BCAS3: variants seen among roughly 807,000 people sequenced by gnomAD.
The protein encoded by BCAS3 is BCAS3 microtubule associated cell migration factor.
A neutral mutation model predicts 116.1 loss-of-function variants in BCAS3; 53 were observed. That is an observed-to-expected ratio of 0.46 (90% CI 0.37 to 0.57). BCAS3 has a LOEUF of 0.57. Among genes scored for constraint, BCAS3 ranks in the 20% least tolerant of loss-of-function variants. BCAS3 has a pLI of 0.00. For synonymous variants in BCAS3, 391 were observed against 408.2 expected, an observed-to-expected ratio of 0.96 and a Z score of 0.51; for missense variants, 917 against 1,165.4, an observed-to-expected ratio of 0.79 and a Z score of 3.10.
intron 14 of BCAS3, among the ~76,000 whole-genome samples, chr17:60,966,224 G>A (rs897306539): frequency 6.6e-6 from 1 of 152,116 alleles, no homozygotes; most frequent in African/African-American, 2.4e-5. Flanking sequence ...GTCTTTATAG[G>A]TGAAGTGGAT....
chr17:60,869,122 TTTATTCCTTCACACTTCACAG>T (rs1261663701), intron 8 of BCAS3, among the ~76,000 whole-genome samples: 3 of 152,222 alleles, frequency 2.0e-5, no homozygotes, highest in Non-Finnish European at 1.5e-5. Context: ...TTAAAATATT[TTTATTCCTTCACACTTCACAG>T]TGGAGCTAAA....
intron 22 of BCAS3, among the ~76,000 whole-genome samples, chr17:61,292,679 G>A (rs2052544715): frequency 6.6e-6 from 1 of 152,012 alleles, no homozygotes; most frequent in Non-Finnish European, 1.5e-5. Context: ...AATGAGGGGT[G>A]AGGGGTCCTT....
At chr17:60,897,173 T>C (rs1194719390) in intron 10 of BCAS3, among the ~76,000 whole-genome samples, 1 of 152,248 alleles carries the variant, frequency 6.6e-6, no homozygotes, top group African/African-American at 2.4e-5. Context: ...AGGGTAATTT[T>C]GCTGGATACA....
Position 61,091,054 on chromosome 17 carries a change from C to T in BCAS3, c.2425+6490C>T, listed in dbSNP as rs532155579. On this transcript the variant is annotated intron_variant, in intron 22 of 23. Coordinates refer to ENST00000407086, the MANE Select transcript of BCAS3 (RefSeq NM_017679.5). ...CACAATTAAGAAAAAATGATAGCCCCATTTGAAGATGAAGAAACAGTAAAC... is the reference window on the plus strand; with the variant it reads ...CACAATTAAGAAAAAATGATAGCCCTATTTGAAGATGAAGAAACAGTAAAC... Among the ~76,000 whole-genome samples the T allele has an allele frequency of 2.6e-5, 4 of 152,290 alleles. No homozygotes were observed. In the East Asian group the frequency reaches 5.8e-4, roughly 22 times the overall value.
In BCAS3 at chr17:61,278,126, TC is replaced by T. The variant is rs1196457919; in HGVS notation, c.2426-90198del. Among the ~76,000 whole-genome samples, 1 of 152,202 alleles carries T rather than the reference TC, an allele frequency of 6.6e-6. No individual in the cohort carries two copies. Among genetic ancestry groups the T allele is most frequent in the African/African-American group, 2.4e-5 (1 of 41,444 alleles). Reference sequence around the variant, plus strand: ...ATCTTGGTTCACTGCAACCTCTGCCTCCCGGGTCCTGATTCAAGCAATTCTC... The same window carrying T: ...ATCTTGGTTCACTGCAACCTCTGCCTCCGGGTCCTGATTCAAGCAATTCTC... On this transcript the variant is annotated intron_variant, in intron 22 of 23. Transcript: ENST00000407086. This position sits in a 1 kb window ranked among gnomAD's most constrained non-coding sequence, Gnocchi z 5.8.
intron 6 of BCAS3, among the ~76,000 whole-genome samples, chr17:60,770,819 C>G (rs2044604972): frequency 7.0e-6 from 1 of 143,210 alleles, no homozygotes; most frequent in Non-Finnish European, 1.5e-5. Context: ...GATCTTGAAC[C>G]TAAAACTGAA....
chr17:60,748,311 G>C (rs1193255560), intron 6 of BCAS3, among the ~76,000 whole-genome samples: 1 of 152,112 alleles, frequency 6.6e-6, no homozygotes, highest in Non-Finnish European at 1.5e-5. Context: ...ACAGTATCTT[G>C]CAGTCACATG....
chr17:60,744,565 G>A (rs1199671438), intron 5 of BCAS3, among the ~76,000 whole-genome samples: 2 of 152,002 alleles, frequency 1.3e-5, no homozygotes, highest in Non-Finnish European at 2.9e-5. Context: ...TTCTCTCCTC[G>A]AGGAAGTTTG....
At chr17:61,253,828 A>G (rs1236371651) in intron 22 of BCAS3, among the ~76,000 whole-genome samples, 1 of 152,142 alleles carries the variant, frequency 6.6e-6, no homozygotes, top group Non-Finnish European at 1.5e-5. Context: ...GATTAAGTAT[A>G]CATTACAGTT....
At chr17:61,329,958 G>A (rs1428872632) in intron 22 of BCAS3, among the ~76,000 whole-genome samples, 2 of 152,218 alleles carry the variant, frequency 1.3e-5, no homozygotes, top group East Asian at 1.9e-4. Context: ...ACTGTTAGGC[G>A]CTAGAAATAT....
chr17:61,022,493 C>T (rs1568144485), intron 16 of BCAS3, among the ~76,000 whole-genome samples: 1 of 152,266 alleles, frequency 6.6e-6, no homozygotes, highest in Non-Finnish European at 1.5e-5. Flanking sequence ...ATCCACCTGC[C>T]TCCACCTCCC....
chr17:61,242,245 C>T (rs1298438295), intron 22 of BCAS3, among the ~76,000 whole-genome samples: 3 of 143,608 alleles, frequency 2.1e-5, no homozygotes, highest in African/African-American at 7.8e-5. Flanking sequence ...CATTGCACTC[C>T]ATCCTGGGCA....
At chr17:60,830,222 C>T (rs2050794010) in intron 7 of BCAS3, among the ~76,000 whole-genome samples, 1 of 152,192 alleles carries the variant, frequency 6.6e-6, no homozygotes, top group Admixed American at 6.5e-5. Context: ...AACTCCTGAC[C>T]TCATGATCTG....
intron 19 of BCAS3, among the ~76,000 whole-genome samples, chr17:61,071,946 A>G (rs2071469863): frequency 6.6e-6 from 1 of 152,238 alleles, no homozygotes; most frequent in Non-Finnish European, 1.5e-5. Context: ...TGTATCAAAC[A>G]TGGAAAAAAT....
In BCAS3 at chr17:61,023,806, T is replaced by G. The variant is rs1600551327; in HGVS notation, c.1637+7905T>G. On this transcript the variant is annotated intron_variant, in intron 16 of 23. Coordinates refer to ENST00000407086, the MANE Select transcript of BCAS3 (RefSeq NM_017679.5). This position sits in a 1 kb window ranked among gnomAD's most constrained non-coding sequence, Gnocchi z 4.8. ...GTAATATTTCTGGATTTTTAGTCTC[T>G]TGACCAGATTTTCCTGAGATTTGAA... Among the ~76,000 whole-genome samples, 1 of 152,336 alleles carries G rather than the reference T, an allele frequency of 6.6e-6. No individual in the cohort carries two copies. Among genetic ancestry groups the G allele is most frequent in the East Asian group, 1.9e-4 (1 of 5,192 alleles).
chr17:61,002,876 TTTCTA>T (rs1163783878), intron 15 of BCAS3: 23 of 152,280 alleles, frequency 1.5e-4, no homozygotes, highest in Non-Finnish European at 2.6e-4. Context: ...TATCTACTCT[TTTCTA>T]TTAACATTGA....
intron 22 of BCAS3, among the ~76,000 whole-genome samples, chr17:61,303,292 C>T (rs997956670): frequency 4.7e-4 from 71 of 152,306 alleles, no homozygotes; most frequent in South Asian, 6.2e-4. Flanking sequence ...AAAATAGTCC[C>T]TCATCTATGA....
In BCAS3 at chr17:61,156,738, A is replaced by G. The variant is rs375827982; in HGVS notation, c.2425+72174A>G. On this transcript the variant is annotated intron_variant, in intron 22 of 23. Coordinates refer to ENST00000407086, the MANE Select transcript of BCAS3 (RefSeq NM_017679.5). The surrounding 1 kb of genome is among the most constrained non-coding windows in gnomAD (Gnocchi z 4.7). ...TAACAATAATTGTTTCTATCCTGCTATAAACCATAAGTAACTCCTAAAAAA... is the reference window on the plus strand; with the variant it reads ...TAACAATAATTGTTTCTATCCTGCTGTAAACCATAAGTAACTCCTAAAAAA... Among the ~76,000 whole-genome samples the G allele has an allele frequency of 1.7e-3, 255 of 152,344 alleles. 8 individuals are homozygous for G. The South Asian group carries it at 0.05, about 30-fold the overall frequency.
At position 60,893,596 on chromosome 17, in the gene BCAS3, T is replaced by C. The variant is rs550425835; in HGVS notation, c.738+3825T>C. 7.7e-4 allele frequency among the ~76,000 whole-genome samples: 114 copies of C among 148,186 alleles called. 1 individual carries two copies. Among genetic ancestry groups the C allele is most frequent in the Non-Finnish European group, 9.5e-4 (64 of 67,388 alleles). ...TTCTCTGTTCAGTTATCTTGACCTA[T>C]GATCTTTTTTTTTTTTTTTTTTTTT... On this transcript the variant is annotated intron_variant, in intron 10 of 23. Coordinates refer to ENST00000407086, the MANE Select transcript of BCAS3 (RefSeq NM_017679.5).
Sources: gnomAD v4.1 joint callset for allele counts (sites outside exome capture counted in the v4.1 genomes callset) on GRCh38, gnomAD v4.1.1 for gene constraint, Gnocchi (gnomAD v3.1) non-coding constraint, MANE v1.5 for transcripts, NCBI Gene and HGNC (gene_info 2026-07-23, HGNC 2026-07-21) for gene names.